EGFR: variants seen among roughly 807,000 people sequenced by gnomAD.
EGFR encodes the protein epidermal growth factor receptor, also known as avian erythroblastic leukemia viral (v-erb-b) oncogene homolog.
A neutral mutation model predicts 143.0 loss-of-function variants in EGFR; 58 were observed. The ratio of observed to expected loss-of-function variants is 0.41; its 90% CI spans 0.33 to 0.50. The LOEUF (loss-of-function observed/expected upper bound fraction) is 0.50. EGFR is among the 20% of genes least tolerant of loss of function. The pLI, the probability that EGFR is intolerant of heterozygous loss-of-function variation, is 0.39. For synonymous variants in EGFR, 613 were observed against 594.4 expected (o/e 1.03, Z -0.45); for missense variants, 1,307 against 1,579.0 (o/e 0.83, Z 2.92).
chr7:55,133,810 G>A (rs987156063), intron 1 of EGFR, among the ~76,000 whole-genome samples: 4 of 152,214 alleles, frequency 2.6e-5, no homozygotes, highest in Non-Finnish European at 5.9e-5. Context: ...GAAGCAGCAA[G>A]GCAGATGCCC....
At position 55,181,378 on chromosome 7, in the gene EGFR, C is replaced by T. The variant is rs121434569; in HGVS notation, c.2369C>T (p.Thr790Met). ...ICLTSTVQLI[T>M]QLMPFGCLLD... Reference sequence around the variant, plus strand: ...CTCACCTCCACCGTGCAGCTCATCACGCAGCTCATGCCCTTCGGCTGCCTC... The same window carrying T: ...CTCACCTCCACCGTGCAGCTCATCATGCAGCTCATGCCCTTCGGCTGCCTC... The change falls in exon 20 of 28, where the codon ACG (threonine) becomes ATG (methionine). Residue 790 changes from threonine to methionine, a missense_variant. Physicochemically the swap from Thr to Met is moderately conservative, Grantham distance 81. This residue lies in a region of EGFR where 348 missense variants were observed against 451.5 expected (regional missense o/e 0.77). Transcript: ENST00000275493. 16 of 1,614,100 alleles carry T rather than the reference C, an allele frequency of 9.9e-6. No homozygotes were observed. Among genetic ancestry groups the T allele is most frequent in the African/African-American group, 5.3e-5 (4 of 74,934 alleles).
At chr7:55,204,254 C>T (rs572814882) in intron 27 of EGFR, among the ~76,000 whole-genome samples, 10 of 147,134 alleles carry the variant, frequency 6.8e-5, no homozygotes, top group African/African-American at 2.5e-4. Context: ...CACACACATA[C>T]ACACCACACA....
At chr7:55,052,078 A>G (rs1370361489) in intron 1 of EGFR, among the ~76,000 whole-genome samples, 1 of 152,144 alleles carries the variant, frequency 6.6e-6, no homozygotes, top group African/African-American at 2.4e-5. Context: ...GGATGAGAGG[A>G]CCCTGGATCC....
chr7:55,094,357 G>A (rs564435049), intron 1 of EGFR, among the ~76,000 whole-genome samples: 15 of 152,306 alleles, frequency 9.8e-5, no homozygotes, highest in South Asian at 4.1e-4. Flanking sequence ...CTGCCAGGTC[G>A]GGGGGCAGGG....
At chr7:55,030,851 T>C (rs562570168) in intron 1 of EGFR, among the ~76,000 whole-genome samples, 87 of 152,336 alleles carry the variant, frequency 5.7e-4, no homozygotes, top group African/African-American at 2.0e-3. Context: ...TAAGAAGAGA[T>C]GGTTTCACAC....
At chr7:55,070,379 A>T (rs773645635) in intron 1 of EGFR, among the ~76,000 whole-genome samples, 4 of 152,230 alleles carry the variant, frequency 2.6e-5, no homozygotes, top group Non-Finnish European at 5.9e-5. Flanking sequence ...TGCCTCAGCA[A>T]ACCTCCACTG....
In EGFR at chr7:55,201,189, G is replaced by A. The variant is rs2128971453; in HGVS notation, c.2948G>A (p.Gly983Glu). ...RDPQRYLVIQ[G>E]DERMHLPSPT... The stretch of plus-strand genomic sequence containing the variant: ...ATAGCCTCAAAATCTCTGCACCAGG[G>A]GGATGAAAGAATGCATTTGCCAAGT... The change falls in exon 25 of 28, where the codon GGG becomes GAG. Residue 983 changes from glycine (G) to glutamate (E), a missense_variant and splice_region_variant. Around this residue, in one of 7 missense-constraint regions of EGFR, gnomAD observed 313 missense variants for 312.3 expected, o/e 1.00. Transcript: ENST00000275493. The A allele has an allele frequency of 6.2e-7, 1 of 1,614,186 alleles. No homozygotes were observed.
chr7:55,170,768 G>A, intron 15 of EGFR: 1 of 1,450,418 alleles, frequency 6.9e-7, no homozygotes, highest in Non-Finnish European at 9.0e-7. Context: ...AACCTGCAGG[G>A]ACTCCATGCT....
intron 14 of EGFR, among the ~76,000 whole-genome samples, chr7:55,164,073 C>T (rs1785846146): frequency 6.6e-6 from 1 of 152,230 alleles, no homozygotes; most frequent in South Asian, 2.1e-4. Flanking sequence ...ATCAAATCCT[C>T]ACATTTAACG....
At chr7:55,185,232 A>G (rs1014261208) in intron 20 of EGFR, among the ~76,000 whole-genome samples, 3 of 152,250 alleles carry the variant, frequency 2.0e-5, no homozygotes, top group Admixed American at 1.3e-4. Flanking sequence ...CTTGCCATCT[A>G]CAAGGAAAAT....
intron 1 of EGFR, among the ~76,000 whole-genome samples, chr7:55,118,869 G>A (rs562089146): frequency 1.3e-4 from 20 of 152,232 alleles, no homozygotes; most frequent in East Asian, 5.8e-4. Context: ...TAGCAAACTC[G>A]TGGGAAAATT....
Position 55,181,472 on chromosome 7 carries a change from C to T in EGFR, c.2463C>T (p.Ile821=), listed in dbSNP as rs367859869. The part of the protein sequence containing the change: ...SQYLLNWCVQ[I]AKGMNYLEDR... ...ACCTGCTCAACTGGTGTGTGCAGAT[C>T]GCAAAGGTAATCAGGGAAGGGAGAT... The change falls in exon 20 of 28, where the codon ATC becomes ATT. Residue 821 remains isoleucine (I), a synonymous_variant. Coordinates refer to ENST00000275493, the MANE Select transcript of EGFR (RefSeq NM_005228.5). 3.7e-5 allele frequency: 60 copies of T among 1,614,198 alleles called. No homozygotes were observed. Among genetic ancestry groups the T allele is most frequent in the Non-Finnish European group, 4.9e-5 (58 of 1,180,038 alleles).
Position 55,085,900 on chromosome 7 carries a change from G to A in EGFR, c.89-56386G>A, listed in dbSNP as rs17336045. Among the ~76,000 whole-genome samples, 14 of 152,282 alleles carry A rather than the reference G, an allele frequency of 9.2e-5. No homozygotes were observed. In the South Asian group the frequency reaches 1.2e-3, roughly 14 times the overall value. On this transcript the variant is annotated intron_variant, in intron 1 of 27. Coordinates refer to ENST00000275493, the MANE Select transcript of EGFR (RefSeq NM_005228.5). ...TTTGAGCTTGTGCAGATGTGCCTCCGTGTTTTGTCTCCTGAGCATGCTGCC... is the reference window on the plus strand; with the variant it reads ...TTTGAGCTTGTGCAGATGTGCCTCCATGTTTTGTCTCCTGAGCATGCTGCC...
intron 20 of EGFR, chr7:55,188,713 C>T (rs552394700): frequency 8.5e-5 from 13 of 152,260 alleles, no homozygotes; most frequent in African/African-American, 3.1e-4. Flanking sequence ...CCAGTTAAAG[C>T]ATAACTGCGC....
intron 1 of EGFR, among the ~76,000 whole-genome samples, chr7:55,030,942 C>T (rs578214552): frequency 3.0e-4 from 46 of 152,008 alleles, no homozygotes; most frequent in South Asian, 1.7e-3. Flanking sequence ...CTCTCAGTGA[C>T]GGTGATGTGC....
chr7:55,146,153 C>T (rs1396536077), intron 3 of EGFR, among the ~76,000 whole-genome samples: 2 of 151,978 alleles, frequency 1.3e-5, no homozygotes, highest in Non-Finnish European at 2.9e-5. Flanking sequence ...ATGAAAAGCT[C>T]CGCCTGGGCA....
intron 20 of EGFR, among the ~76,000 whole-genome samples, chr7:55,189,995 G>C (rs535750287): frequency 2.6e-5 from 4 of 152,314 alleles, no homozygotes; most frequent in Non-Finnish European, 5.9e-5. Context: ...CAGAGAGCAA[G>C]TCAGCATCGC....
intron 1 of EGFR, among the ~76,000 whole-genome samples, chr7:55,115,600 C>A (rs1024412437): frequency 3.9e-5 from 6 of 152,204 alleles, no homozygotes; most frequent in African/African-American, 1.2e-4. Flanking sequence ...TTCCTGGAAG[C>A]CTTCCTGAAG....
intron 1 of EGFR, among the ~76,000 whole-genome samples, chr7:55,040,648 C>T (rs1787846859): frequency 6.6e-6 from 1 of 152,106 alleles, no homozygotes; most frequent in Non-Finnish European, 1.5e-5. Flanking sequence ...TTCTCAGTGT[C>T]TACTTATAAA....
Sources: gnomAD v4.1 joint callset for allele counts (sites outside exome capture counted in the v4.1 genomes callset) on GRCh38, gnomAD v4.1.1 for gene constraint, gnomAD v4.1.1 regional missense constraint, MANE v1.5 for transcripts, NCBI Gene and HGNC (gene_info 2026-07-23, HGNC 2026-07-21) for gene names.